SPOCK3: variants seen among roughly 807,000 people sequenced by gnomAD.
SPOCK3 encodes testican-3.
A neutral mutation model predicts 56.6 loss-of-function variants in SPOCK3; 30 were observed. The ratio of observed to expected loss-of-function variants is 0.53; its 90% CI spans 0.40 to 0.72. The LOEUF (loss-of-function observed/expected upper bound fraction) is 0.72, where lower values mean the gene tolerates loss of function less well. Ranked by LOEUF, SPOCK3 falls within the 30% of genes least tolerant of loss-of-function variation. SPOCK3 has a pLI of 0.00. For missense variants in SPOCK3, 527 were observed against 530.0 expected (o/e 0.99, Z 0.06); for synonymous variants, 196 against 183.3 (o/e 1.07, Z -0.56).
At chr4:166,833,285 T>C (rs912333955) in intron 6 of SPOCK3, among the ~76,000 whole-genome samples, 1 of 152,216 alleles carries the variant, frequency 6.6e-6, no homozygotes, top group African/African-American at 2.4e-5. Flanking sequence ...TAGGTGACTA[T>C]CATGTGTGCA....
At chr4:167,145,170 GA>G (rs1763838777) in intron 2 of SPOCK3, among the ~76,000 whole-genome samples, 1 of 152,074 alleles carries the variant, frequency 6.6e-6, no homozygotes, top group South Asian at 2.1e-4. Context: ...CACCATTAAA[GA>G]GTGAAGTCAA....
rs369350477 is a variant in SPOCK3, at chr4:166,894,212, G to A, written c.475-4968C>T. ...CTTTTCTCACCAGAAACTTGACTTC[G>A]AAAAACTTCTTTTTATATCACAAAA... On this transcript the variant is annotated intron_variant, in intron 5 of 10. Transcript: ENST00000357545. Among the ~76,000 whole-genome samples, 34 of 151,936 alleles carry A rather than the reference G, an allele frequency of 2.2e-4. 1 individual carries two copies. Among genetic ancestry groups the A allele is most frequent in the African/African-American group, 6.8e-4 (28 of 41,432 alleles).
intron 9 of SPOCK3, among the ~76,000 whole-genome samples, chr4:166,741,243 T>C (rs181218057): frequency 1.1e-4 from 16 of 152,314 alleles, no homozygotes; most frequent in African/African-American, 3.6e-4. Flanking sequence ...GCTTACTTAA[T>C]AGGATTATAG....
At position 167,056,754 on chromosome 4, in the gene SPOCK3, C is replaced by T. The variant is rs560858845; in HGVS notation, c.235+5738G>A. Among the ~76,000 whole-genome samples the T allele has an allele frequency of 1.6e-4, 24 of 152,120 alleles. 1 individual carries two copies. The highest frequency in any genetic ancestry group is 1.5e-3 in the South Asian group (7 of 4,818). Reference sequence around the variant, plus strand: ...TTAGAGAAAAAAGAATAAAAAGAAACGAACAAAGCCTCCAAGAAATACGGG... The same window carrying T: ...TTAGAGAAAAAAGAATAAAAAGAAATGAACAAAGCCTCCAAGAAATACGGG... On this transcript the variant is annotated intron_variant, in intron 3 of 10. Transcript: ENST00000357545.
At chr4:167,079,393 G>A (rs939744778) in intron 2 of SPOCK3, among the ~76,000 whole-genome samples, 4 of 151,822 alleles carry the variant, frequency 2.6e-5, no homozygotes, top group African/African-American at 9.7e-5. Flanking sequence ...ACATTTCTGG[G>A]TTTAATTATC....
chr4:167,095,228 T>C (rs1253463890), intron 2 of SPOCK3, among the ~76,000 whole-genome samples: 2 of 152,098 alleles, frequency 1.3e-5, no homozygotes, highest in African/African-American at 4.8e-5. Context: ...TCTGGCCTAG[T>C]CAAGCTGACA....
chr4:167,056,843 C>T (rs751536121), intron 3 of SPOCK3, among the ~76,000 whole-genome samples: 1 of 152,136 alleles, frequency 6.6e-6, no homozygotes, highest in Non-Finnish European at 1.5e-5. Context: ...GAGAATAGAA[C>T]CAAGTTGGAA....
rs199708104 is a variant in SPOCK3, at chr4:166,865,920, GA to G, written c.589+23209del. 2.6e-3 allele frequency among the ~76,000 whole-genome samples: 402 copies of G among 152,126 alleles called. 9 individuals carry two copies. The East Asian group carries it at 0.061, about 23-fold the overall frequency. ...ACCATTGGCTTTCTTCACAGAATTA[GA>G]AAAAACTACTTTAAATTTCATATGG... On this transcript the variant is annotated intron_variant, in intron 6 of 10. Transcript: ENST00000357545.
chr4:166,860,480 A>G (rs1020355876), intron 6 of SPOCK3, among the ~76,000 whole-genome samples: 4 of 152,056 alleles, frequency 2.6e-5, no homozygotes, highest in African/African-American at 9.7e-5. Context: ...GACTTTAAAT[A>G]GTTAATGAGA....
intron 2 of SPOCK3, among the ~76,000 whole-genome samples, chr4:167,231,939 T>C (rs568988403): frequency 6.6e-6 from 1 of 152,254 alleles, no homozygotes; most frequent in Non-Finnish European, 1.5e-5. Flanking sequence ...ATATTTATTT[T>C]TAGGTGTTGC....
At chr4:166,913,971 T>C (rs1210400094) in intron 4 of SPOCK3, among the ~76,000 whole-genome samples, 3 of 152,036 alleles carry the variant, frequency 2.0e-5, no homozygotes, top group African/African-American at 4.8e-5. Flanking sequence ...GTTGGCACAA[T>C]ATCCTAGTGA....
At chr4:166,952,913 C>G (rs1418626402) in intron 4 of SPOCK3, among the ~76,000 whole-genome samples, 2 of 151,178 alleles carry the variant, frequency 1.3e-5, no homozygotes, top group Non-Finnish European at 2.9e-5. Flanking sequence ...CCCTTCCTTA[C>G]ACCTTATACA....
intron 4 of SPOCK3, among the ~76,000 whole-genome samples, chr4:166,928,008 G>A (rs1279752440): frequency 6.6e-6 from 1 of 152,130 alleles, no homozygotes; most frequent in Non-Finnish European, 1.5e-5. Flanking sequence ...TTCAGGACTC[G>A]CAAATTGAAA....
chr4:167,026,451 T>C (rs1751703532), intron 3 of SPOCK3, among the ~76,000 whole-genome samples: 1 of 152,070 alleles, frequency 6.6e-6, no homozygotes, highest in African/African-American at 2.4e-5. Flanking sequence ...TTTCTGCCTA[T>C]TGGAAGTTCT....
Position 166,754,673 on chromosome 4 carries a change from T to C in SPOCK3, c.766A>G (p.Arg256Gly), listed in dbSNP as rs200493843. 6 of 1,613,712 alleles carry C rather than the reference T, an allele frequency of 3.7e-6. No individual in the cohort carries two copies. Among genetic ancestry groups the C allele is most frequent in the Non-Finnish European group, 5.1e-6 (6 of 1,179,734 alleles). ...AGCAGGTCATAGTTTGTATCAAGTC[T>C]GTTAAACATCCAGCCAAGTGAGTCC... is the stretch of plus-strand genomic sequence containing the variant. ...CKDSLGWMFN[R>G]LDTNYDLLLD... Residue 256 changes from arginine (R) to glycine (G), a missense_variant, in exon 8 of 11, where the codon AGA (arginine) becomes GGA (glycine). By Grantham distance (125) the Arg-to-Gly change is moderately radical (BLOSUM62 -2). Coordinates refer to ENST00000357545, the MANE Select transcript of SPOCK3 (RefSeq NM_001040159.2).
At chr4:166,807,319 A>AAG (rs1743277715) in intron 6 of SPOCK3, among the ~76,000 whole-genome samples, 1 of 151,980 alleles carries the variant, frequency 6.6e-6, no homozygotes, top group Admixed American at 6.6e-5. Context: ...AAAAAAAAAA[A>AAG]AAAAGAACAG....
chr4:166,793,281 A>G (rs1397653653), intron 6 of SPOCK3, among the ~76,000 whole-genome samples: 1 of 152,132 alleles, frequency 6.6e-6, no homozygotes, highest in Non-Finnish European at 1.5e-5. Context: ...TATATGTATC[A>G]TAAATAACAT....
chr4:166,852,726 A>T (rs1054964230), intron 6 of SPOCK3, among the ~76,000 whole-genome samples: 2 of 152,120 alleles, frequency 1.3e-5, no homozygotes, highest in African/African-American at 4.8e-5. Context: ...TGAGAAATAA[A>T]CCTCCCCTTT....
chr4:167,052,005 G>A (rs1197645887), intron 3 of SPOCK3, among the ~76,000 whole-genome samples: 2 of 152,160 alleles, frequency 1.3e-5, no homozygotes, highest in Admixed American at 1.3e-4. Flanking sequence ...GCACACCTAT[G>A]TAGGCTAATG....
Sources: allele counts gnomAD v4.1 joint callset (sites outside exome capture counted in the v4.1 genomes callset), GRCh38; gene constraint gnomAD v4.1.1; transcripts MANE v1.5; gene names NCBI Gene and HGNC (gene_info 2026-07-23, HGNC 2026-07-21).